The following TRPV5 variants were observed in gnomAD, a reference collection of about 807,000 sequenced individuals.
TRPV5 encodes calcium transport protein 2.
In TRPV5, 66 loss-of-function variants were observed where a neutral mutation model predicts 74.1. That is an observed-to-expected ratio of 0.89 (90% CI 0.73 to 1.09). The LOEUF (loss-of-function observed/expected upper bound fraction) is 1.09, where lower values mean the gene tolerates loss of function less well. Among genes scored for constraint, TRPV5 ranks in the 50% least tolerant of loss-of-function variants. The probability of loss-of-function intolerance (pLI) is 0.00; values close to 1 mark genes in which losing one functional copy is unlikely to be tolerated. For synonymous variants in TRPV5, 399 were observed against 360.7 expected (o/e 1.11, Z -1.20); for missense variants, 936 against 930.4 (o/e 1.01, Z -0.08).
Position 142,912,483 on chromosome 7 carries a change from T to C in TRPV5, c.1787A>G (p.Gln596Arg). The C allele has an allele frequency of 2.5e-6, 4 of 1,612,838 alleles. No individual in the cohort carries two copies. Among genetic ancestry groups the C allele is most frequent in the Non-Finnish European group, 3.4e-6 (4 of 1,178,868 alleles). ...AQERDELWRA[Q>R]VVATTVMLER... Reference sequence around the variant, plus strand: ...CAAGACTAACACAAATAAACTCACCTGGGCCCTCCAGAGCTCATCCCTCTC... The same window carrying C: ...CAAGACTAACACAAATAAACTCACCCGGGCCCTCCAGAGCTCATCCCTCTC... The change falls in exon 13 of 15, where the codon CAG becomes CGG. Residue 596 changes from glutamine (Q) to arginine (R), a missense_variant and splice_region_variant. Transcript: ENST00000265310.
At chr7:142,912,837 G>GATCTATCTACCT (rs1554239690) in intron 12 of TRPV5, 87 bp from the exon 13 acceptor site, 2 of 734,312 alleles carry the variant, frequency 2.7e-6, no homozygotes, top group African/African-American at 1.8e-5. Flanking sequence ...TTCTATCTCT[G>GATCTATCTACCT]ATCTATCTAT....
rs573480542 is a variant in TRPV5, at chr7:142,909,359, G to A, written c.1895+131C>T. On this transcript the variant is annotated intron_variant, in intron 14 of 14. Coordinates refer to ENST00000265310, the MANE Select transcript of TRPV5 (RefSeq NM_019841.7). ...CCCTGAGGTACACACAGCATTCTTC[G>A]TACCCCTCCACTTCAGCTCCAGCCC... 8.4e-5 allele frequency: 75 copies of A among 891,346 alleles called. 1 individual carries two copies. The South Asian group carries it at 9.9e-4, about 12-fold the overall frequency. 55.2% of individuals were successfully genotyped at this position (891,346 alleles called of 1,614,324 possible).
In TRPV5 at chr7:142,925,051, G is replaced by A. The variant is rs968197722; in HGVS notation, c.1122+478C>T. ...ACATCCTTCTGCAGAGTGTCTGACA[G>A]GCAGTCAGACAGCTGACACATTATT... On this transcript the variant is annotated intron_variant, in intron 8 of 14. Transcript: ENST00000265310. 12 of 194,468 alleles carry A rather than the reference G, an allele frequency of 6.2e-5. 1 individual carries two copies. In the South Asian group the frequency reaches 1.1e-3, roughly 18 times the overall value. The allele number at this position is 194,468 out of a possible 1,614,324, so 12.0% of individuals were successfully genotyped here. A position where few individuals can be genotyped will look rare whatever the true frequency, so the allele number is the denominator to read the frequency against.
chr7:142,922,317 A>G (rs1197840417), intron 8 of TRPV5, among the ~76,000 whole-genome samples: 1 of 152,198 alleles, frequency 6.6e-6, no homozygotes, highest in Non-Finnish European at 1.5e-5. Context: ...GGCTCAAGAG[A>G]ATCTTTTTCA....
chr7:142,920,175 GAGA>G (rs1563373120), intron 8 of TRPV5, among the ~76,000 whole-genome samples: 40 of 151,950 alleles, frequency 2.6e-4, no homozygotes, highest in African/African-American at 8.0e-4. Context: ...GGGCCATAAA[GAGA>G]GAGAGAGAGA....
In TRPV5 at chr7:142,933,512, G is replaced by A. The variant is rs1048820027; in HGVS notation, c.-53C>T. On this transcript the variant is annotated 5_prime_UTR_variant, in exon 1 of 15. Transcript: ENST00000265310. ...TATAGAAATGTGGCGAAAGAAACAG[G>A]TCTAGGATGACAGCAACTGAGCAAG... 8.2e-6 allele frequency: 13 copies of A among 1,582,008 alleles called. No individual in the cohort carries two copies. In the African/African-American group the frequency reaches 1.6e-4, roughly 20 times the overall value.
chr7:142,912,981 T>C (rs1795727848), intron 12 of TRPV5, among the ~76,000 whole-genome samples: 1 of 152,154 alleles, frequency 6.6e-6, no homozygotes, highest in Non-Finnish European at 1.5e-5. Context: ...AGTTCACCAC[T>C]CTGGGTAATG....
At chr7:142,909,653 G>A in intron 13 of TRPV5, 57 bp from the exon 14 acceptor site, 1 of 1,569,612 alleles carries the variant, frequency 6.4e-7, no homozygotes, top group Non-Finnish European at 8.7e-7. Context: ...GGTTCAAAGA[G>A]GCACTGAGGC....
chr7:142,911,638 T>C (rs961199242), intron 13 of TRPV5, among the ~76,000 whole-genome samples: 2 of 152,242 alleles, frequency 1.3e-5, no homozygotes, highest in Admixed American at 6.5e-5. Context: ...TGCCCGTCTT[T>C]CCAACTAAAC....
Position 142,920,242 on chromosome 7 carries a change from T to C in TRPV5, c.1123-4674A>G, listed in dbSNP as rs1795862180. On this transcript the variant is annotated intron_variant, in intron 8 of 14. Coordinates refer to ENST00000265310, the MANE Select transcript of TRPV5 (RefSeq NM_019841.7). ...TCCAAAGGTTAATTTCATGTCCCAG[T>C]CTCTGCATTTTCTCAGGGGTATTGG... Among the ~76,000 whole-genome samples the C allele has an allele frequency of 3.9e-5, 6 of 152,214 alleles. No homozygotes were observed. In the South Asian group the frequency reaches 1.2e-3, roughly 32 times the overall value.
chr7:142,913,818 C>A (rs1795747527), intron 12 of TRPV5, among the ~76,000 whole-genome samples: 1 of 152,206 alleles, frequency 6.6e-6, no homozygotes, highest in South Asian at 2.1e-4. Flanking sequence ...AGTGCCTCTT[C>A]TTGTCTAATA....
At chr7:142,918,558 A>G (rs779773863) in intron 8 of TRPV5, among the ~76,000 whole-genome samples, 4 of 152,182 alleles carry the variant, frequency 2.6e-5, no homozygotes, top group Non-Finnish European at 4.4e-5. Context: ...TAGCTCCCCA[A>G]TGCCTTCAGA....
rs2116581227 is a variant in TRPV5, at chr7:142,915,520, C to A, written c.1171G>T (p.Val391Leu). 1.2e-6 allele frequency: 2 copies of A among 1,614,148 alleles called. No homozygotes were observed. The highest frequency in any genetic ancestry group is 3.3e-4 in the Middle Eastern group (2 of 6,062). ...ATGATCACAGCCCCAACGATGCTCACCAGCTCCCCCACCAGCCTGATGATA... is the reference window on the plus strand; with the variant it reads ...ATGATCACAGCCCCAACGATGCTCAACAGCTCCCCCACCAGCCTGATGATA... The part of the protein sequence containing the change: ...EDIIRLVGEL[V>L]SIVGAVIILL... The change falls in exon 9 of 15, where the codon GTG becomes TTG. Residue 391 changes from valine (V) to leucine (L), a missense_variant. Transcript: ENST00000265310.
At chr7:142,929,310 G>T (rs1796044024) in intron 4 of TRPV5, 118 bp downstream of exon 4, 4 of 1,531,724 alleles carry the variant, frequency 2.6e-6, no homozygotes, top group African/African-American at 2.7e-5. Context: ...CCCTAGAAGG[G>T]CTGCCCCTCT....
intron 8 of TRPV5, among the ~76,000 whole-genome samples, chr7:142,920,079 C>G (rs1313074354): frequency 6.6e-6 from 1 of 152,168 alleles, no homozygotes; most frequent in East Asian, 1.9e-4. Flanking sequence ...CCAGGCCAAC[C>G]CTGGGTTAAT....
intron 3 of TRPV5, 70 bp from the exon 4 acceptor site, chr7:142,929,635 A>C: frequency 7.0e-6 from 11 of 1,582,404 alleles, no homozygotes; most frequent in Non-Finnish European, 9.5e-6. Context: ...AGCATCCCCC[A>C]CCATCCCTCT....
intron 12 of TRPV5, 112 bp from the exon 13 acceptor site, chr7:142,912,862 A>G (rs1006663697): frequency 3.0e-6 from 3 of 1,007,722 alleles, no homozygotes; most frequent in Non-Finnish European, 4.4e-6. Context: ...CTATCTATCT[A>G]TCTATCTATC....
At position 142,908,701 on chromosome 7, in the gene TRPV5, G is replaced by A. The variant is rs1222486916; in HGVS notation, c.2003C>T (p.Pro668Leu). The A allele has an allele frequency of 1.2e-6, 2 of 1,614,206 alleles. No homozygotes were observed. Among genetic ancestry groups the A allele is most frequent in the Non-Finnish European group, 8.5e-7 (1 of 1,180,046 alleles). Residue 668 changes from proline to leucine, a missense_variant, in exon 15 of 15, where the codon CCC (proline) becomes CTC (leucine). Coordinates refer to ENST00000265310, the MANE Select transcript of TRPV5 (RefSeq NM_019841.7). ...TAGAGTCCCACTCTCAGCCCCAGAG[G>A]GCTGTTTCTCAGATGGATGCTCCTG... ...DDQEHPSEKQ[P>L]SGAESGTLAR...
At chr7:142,929,922 C>G in intron 3 of TRPV5, 136 bp downstream of exon 3, 4 of 1,390,890 alleles carry the variant, frequency 2.9e-6, no homozygotes, top group Middle Eastern at 3.6e-4. Flanking sequence ...TTGCATTTCT[C>G]CCAACTCAAC....
Sources: gnomAD v4.1 joint callset for allele counts (sites outside exome capture counted in the v4.1 genomes callset) on GRCh38, gnomAD v4.1.1 for gene constraint, MANE v1.5 for transcripts, NCBI Gene and HGNC (gene_info 2026-07-23, HGNC 2026-07-21) for gene names.